Variants in IL1RL1 observed in about 807,000 individuals in gnomAD.
IL1RL1 encodes interleukin-1 receptor-like 1.
In IL1RL1, 32 loss-of-function variants were observed where a neutral mutation model predicts 50.9. The ratio of observed to expected loss-of-function variants is 0.63; its 90% CI spans 0.47 to 0.84. IL1RL1 has a LOEUF of 0.84. Ranked by LOEUF, IL1RL1 falls within the 40% of genes least tolerant of loss-of-function variation. IL1RL1 has a pLI of 0.00. For synonymous variants in IL1RL1, 275 were observed against 236.0 expected, an observed-to-expected ratio of 1.17 and a Z score of -1.51; for missense variants, 773 against 662.9, an observed-to-expected ratio of 1.17 and a Z score of -1.82.
At chr2:102,311,995 T>C (rs1676516534) in intron 1 of IL1RL1, among the ~76,000 whole-genome samples, 1 of 32,408 alleles carries the variant, frequency 3.1e-5, no homozygotes, top group African/African-American at 2.1e-4. Flanking sequence ...ATATTATATA[T>C]AATATATTTA....
intron 10 of IL1RL1, among the ~76,000 whole-genome samples, 187 bp downstream of exon 10, chr2:102,349,433 G>A (rs1677873523): frequency 2.6e-5 from 4 of 151,798 alleles, no homozygotes; most frequent in Non-Finnish European, 4.4e-5. Flanking sequence ...CATTGTCCTG[G>A]TGATGAGATC....
At chr2:102,325,840 T>C (rs1234581670) in intron 1 of IL1RL1, among the ~76,000 whole-genome samples, 2 of 152,114 alleles carry the variant, frequency 1.3e-5, no homozygotes, top group East Asian at 3.8e-4. Flanking sequence ...CTCCAAGAAA[T>C]ATGGGACTAT....
rs1010981018 is a variant in IL1RL1, at chr2:102,338,206, C to T, written c.-59C>T. On this transcript the variant is annotated 5_prime_UTR_variant, in exon 2 of 11. Coordinates refer to ENST00000233954, the MANE Select transcript of IL1RL1 (RefSeq NM_016232.5). The stretch of plus-strand genomic sequence containing the variant: ...GACCTTCACTGTCGTATGCCAGTGA[C>T]TCATCTGGAGTAATCTCAACAACGA... The T allele has an allele frequency of 7.0e-6, 8 of 1,137,630 alleles. No homozygotes were observed. Among genetic ancestry groups the T allele is most frequent in the Non-Finnish European group, 1.1e-5 (8 of 754,294 alleles). The allele number at this position is 1,137,630 out of a possible 1,614,324, so 70.5% of individuals were successfully genotyped here.
downstream of IL1RL1, among the ~76,000 whole-genome samples, chr2:102,352,270 TCATTCGAGAGTAGATTTTCACGTCACTTG>T: frequency 6.7e-6 from 1 of 149,440 alleles, no homozygotes; most frequent in African/African-American, 2.5e-5. Context: ...AGCAAACTAA[TCATTCGAGAGTAGATTTTCACGTCACTTG>T]AAGAACATTC....
chr2:102,352,063 C>A, downstream of IL1RL1: 1 of 849,170 alleles, frequency 1.2e-6, no homozygotes, highest in Non-Finnish European at 1.8e-6. Flanking sequence ...ACTTTCCTTC[C>A]ATTTCCCTGC....
At chr2:102,326,021 G>A (rs1402211777) in intron 1 of IL1RL1, among the ~76,000 whole-genome samples, 2 of 152,146 alleles carry the variant, frequency 1.3e-5, no homozygotes, top group Non-Finnish European at 2.9e-5. Flanking sequence ...GATACTCCTT[G>A]AGAAGAGCAA....
In IL1RL1 at chr2:102,342,254, C is replaced by T. The variant is rs767136998; in HGVS notation, c.642C>T (p.Ile214=). The T allele has an allele frequency of 1.9e-5, 30 of 1,611,614 alleles. 1 individual carries two copies. Among genetic ancestry groups the T allele is most frequent in the South Asian group, 6.6e-5 (6 of 91,026 alleles). ...AAGGCTTTTCTCTGTTTCCAGTAATCGGAGCCCCTGCACAAAATGAAATAA... is the reference window on the plus strand; with the variant it reads ...AAGGCTTTTCTCTGTTTCCAGTAATTGGAGCCCCTGCACAAAATGAAATAA... ...DEQGFSLFPV[I]GAPAQNEIKE... is the part of the protein sequence containing the mutation. The change falls in exon 6 of 11, where the codon ATC becomes ATT. Residue 214 remains isoleucine, a synonymous_variant. Coordinates refer to ENST00000233954, the MANE Select transcript of IL1RL1 (RefSeq NM_016232.5).
At chr2:102,326,372 C>T (rs1676998630) in intron 1 of IL1RL1, among the ~76,000 whole-genome samples, 3 of 152,080 alleles carry the variant, frequency 2.0e-5, no homozygotes, top group South Asian at 2.1e-4. Context: ...TGGAAAGGAA[C>T]AACCGGTACC....
At chr2:102,326,667 G>A (rs935626082) in intron 1 of IL1RL1, among the ~76,000 whole-genome samples, 9 of 121,094 alleles carry the variant, frequency 7.4e-5, no homozygotes, top group Middle Eastern at 4.5e-3. Context: ...GATCTACCAA[G>A]CAAATGGAAA....
chr2:102,341,533 T>G (rs1350621887), intron 5 of IL1RL1, among the ~76,000 whole-genome samples: 4 of 152,216 alleles, frequency 2.6e-5, no homozygotes, highest in African/African-American at 7.2e-5. Flanking sequence ...TGACAGTTTT[T>G]TCAGGGCAAA....
chr2:102,333,015 G>A lies in IL1RL1; in HGVS notation c.-149-5101G>A, dbSNP rs1677216563. On this transcript the variant is annotated intron_variant, in intron 1 of 10. Transcript: ENST00000233954. ...TAGTGCCTTCAAGGAACAGCAATGA[G>A]GATACGGGGTTGGAGGGGAGGGGTC... is the stretch of plus-strand genomic sequence containing the variant. Among the ~76,000 whole-genome samples, 3 of 152,088 alleles carry A rather than the reference G, an allele frequency of 2.0e-5. No homozygotes were observed. The South Asian group carries it at 6.2e-4, about 32-fold the overall frequency.
intron 1 of IL1RL1, among the ~76,000 whole-genome samples, chr2:102,317,991 G>A (rs189290600): frequency 6.6e-6 from 1 of 152,308 alleles, no homozygotes; most frequent in African/African-American, 2.4e-5. Context: ...GGACAAAAGT[G>A]CACGTGTTGT....
intron 5 of IL1RL1, among the ~76,000 whole-genome samples, 154 bp from the exon 6 acceptor site, chr2:102,342,068 TG>T (rs1677588417): frequency 6.6e-6 from 1 of 151,520 alleles, no homozygotes; most frequent in Non-Finnish European, 1.5e-5. Flanking sequence ...TGTGTGTGTG[TG>T]TGTGTGTGTG....
intron 1 of IL1RL1, among the ~76,000 whole-genome samples, chr2:102,315,412 T>A (rs566074112): frequency 2.0e-5 from 3 of 152,210 alleles, no homozygotes; most frequent in Admixed American, 2.0e-4. Context: ...TATACTTGAA[T>A]GTCTTTGATT....
chr2:102,312,023 ATATAT>A (rs1422652741), intron 1 of IL1RL1, among the ~76,000 whole-genome samples: 1 of 59,102 alleles, frequency 1.7e-5, no homozygotes, highest in Non-Finnish European at 3.0e-5. Context: ...TATATATAAT[ATATAT>A]TATATATTAA....
chr2:102,343,103 G>A lies in IL1RL1; in HGVS notation c.750G>A (p.Leu250=), dbSNP rs967994109. Residue 250 remains leucine, a synonymous_variant, in exon 7 of 11, where the codon CTG becomes CTA. Transcript: ENST00000233954. The part of the protein sequence containing the change: ...GKGTQFLAAV[L]WQLNGTKITD... ...GCACTCAGTTCTTGGCTGCCGTCCT[G>A]TGGCAGCTTAATGGAACAAAAATTA... 6.2e-7 allele frequency: 1 copy of A among 1,613,900 alleles called. No homozygotes were observed. The highest frequency in any genetic ancestry group is 1.3e-5 in the African/African-American group (1 of 74,920).
chr2:102,317,592 A>G (rs570769682), intron 1 of IL1RL1, among the ~76,000 whole-genome samples: 7 of 152,068 alleles, frequency 4.6e-5, no homozygotes, highest in Non-Finnish European at 1.0e-4. Context: ...GTGAGAACAA[A>G]CTCAATATGT....
At chr2:102,345,180 G>A (rs923425081) in intron 8 of IL1RL1, 1 of 960,038 alleles carries the variant, frequency 1.0e-6, no homozygotes, top group East Asian at 1.2e-4. Context: ...CCCAGACAAT[G>A]TGAAACATCA....
chr2:102,323,247 T>TA (rs1676886461), intron 1 of IL1RL1, among the ~76,000 whole-genome samples: 11 of 98,710 alleles, frequency 1.1e-4, no homozygotes, highest in South Asian at 3.1e-4. Context: ...TTGTTAGGTT[T>TA]TATATATATA....
Sources: allele counts gnomAD v4.1 joint callset (sites outside exome capture counted in the v4.1 genomes callset), GRCh38; gene constraint gnomAD v4.1.1; transcripts MANE v1.5; gene names NCBI Gene and HGNC (gene_info 2026-07-23, HGNC 2026-07-21).